MCM10: variants seen among roughly 807,000 people sequenced by gnomAD.
MCM10 encodes minichromosome maintenance 10 replication initiation factor.
In MCM10, 91 loss-of-function variants were observed where a neutral mutation model predicts 109.9. The observed-to-expected ratio is 0.83, with a 90% CI of 0.70 to 0.99. The LOEUF is 0.99. Among genes scored for constraint, MCM10 ranks in the 50% least tolerant of loss-of-function variants. The pLI is 0.00. For missense variants in MCM10, 1,077 were observed against 1,061.2 expected, an observed-to-expected ratio of 1.01 and a Z score of -0.21; for synonymous variants, 380 against 387.2, an observed-to-expected ratio of 0.98 and a Z score of 0.22.
In MCM10 at chr10:13,170,951, G is replaced by T. The variant is rs185467446; in HGVS notation, c.37G>T (p.Ala13Ser). The change falls in exon 3 of 20, where the codon GCA (alanine) becomes TCA (serine). Residue 13 changes from alanine to serine, a missense_variant. Transcript: ENST00000378714. ...GGAAGACAATCTGTCTCTGCTGACC[G>T]CACTGCTGGAAGAAAATGAGTCAGC... Reference protein sequence around the residue: ...EEEDNLSLLTALLEENESALD... With the variant: ...EEEDNLSLLTSLLEENESALD... 1.9e-6 allele frequency: 3 copies of T among 1,614,064 alleles called. No homozygotes were observed. The highest frequency in any genetic ancestry group is 1.7e-6 in the Non-Finnish European group (2 of 1,179,942).
intron 3 of MCM10, among the ~76,000 whole-genome samples, chr10:13,171,801 G>A (rs1834077568): frequency 6.7e-6 from 1 of 150,170 alleles, no homozygotes; most frequent in African/African-American, 2.5e-5. Flanking sequence ...TTCTTGCTGT[G>A]TCACCCAGGC....
At chr10:13,185,648 C>G (rs1834265365) in intron 8 of MCM10, among the ~76,000 whole-genome samples, 1 of 152,196 alleles carries the variant, frequency 6.6e-6, no homozygotes, top group African/African-American at 2.4e-5. Context: ...AATCAGGATT[C>G]CAATCGCAAA....
chr10:13,162,867 C>T (rs1833945613), intron 1 of MCM10, among the ~76,000 whole-genome samples: 1 of 152,170 alleles, frequency 6.6e-6, no homozygotes, highest in Admixed American at 6.5e-5. Context: ...ATCACCAGGT[C>T]AGGAGATCGA....
At chr10:13,200,915 C>G (rs1041355449) in intron 16 of MCM10, among the ~76,000 whole-genome samples, 2 of 152,208 alleles carry the variant, frequency 1.3e-5, no homozygotes, top group Non-Finnish European at 2.9e-5. Flanking sequence ...GAGGCCAAGG[C>G]AGGCAGATCA....
intron 10 of MCM10, 40 bp from the exon 11 acceptor site, chr10:13,191,259 C>T (rs551211491): frequency 7.3e-7 from 1 of 1,361,680 alleles, no homozygotes; most frequent in Non-Finnish European, 1.1e-6. Flanking sequence ...AGCATTGAGG[C>T]TTTAGTGATT....
At chr10:13,194,404 A>G (rs1470070333) in intron 13 of MCM10, among the ~76,000 whole-genome samples, 1 of 151,980 alleles carries the variant, frequency 6.6e-6, no homozygotes, top group Non-Finnish European at 1.5e-5. Context: ...ATTTTTTGCC[A>G]GGCATGATAG....
intron 2 of MCM10, among the ~76,000 whole-genome samples, chr10:13,166,601 C>T (rs1309446826): frequency 4.7e-5 from 7 of 147,578 alleles, no homozygotes; most frequent in African/African-American, 1.8e-4. Flanking sequence ...TGCCATTGCA[C>T]TCCAGCCTGG....
intron 2 of MCM10, among the ~76,000 whole-genome samples, chr10:13,167,584 C>CT: frequency 8.2e-6 from 1 of 122,462 alleles, no homozygotes; most frequent in East Asian, 2.2e-4. Flanking sequence ...GAGGGGAGGA[C>CT]CGGGGGGGGC....
At chr10:13,203,753 A>G (rs3781080) in intron 17 of MCM10, among the ~76,000 whole-genome samples, 13,477 of 152,142 alleles carry the variant, frequency 0.089, 840 homozygotes, top group East Asian at 0.24. Context: ...TGCTGCTAAT[A>G]GGGAGTAAGA....
chr10:13,187,430 G>A (rs12257314), intron 9 of MCM10, among the ~76,000 whole-genome samples: 2,527 of 152,314 alleles, frequency 0.017, 79 homozygotes, highest in African/African-American at 0.057. Flanking sequence ...GAATAATGCT[G>A]CTAAAACACT....
At chr10:13,173,701 C>G (rs1188875571) in intron 5 of MCM10, among the ~76,000 whole-genome samples, 1 of 152,174 alleles carries the variant, frequency 6.6e-6, no homozygotes, top group Non-Finnish European at 1.5e-5. Context: ...ATTAATCTGA[C>G]AGCAAGTTAT....
rs537710049 is a variant in MCM10 at position 13,210,147 on chromosome 10, T to C, written c.*837T>C. ...CGGCACACTGCAGCCTTGGCTTCCC[T>C]GGGCTCAAGCAGTCCTCCCACCTCA... On this transcript the variant is annotated 3_prime_UTR_variant, in exon 20 of 20. Transcript: ENST00000378714. The C allele has an allele frequency of 3.3e-5, 5 of 152,160 alleles. No individual in the cohort carries two copies. In the East Asian group the frequency reaches 9.7e-4, roughly 29 times the overall value. 9.4% of individuals were successfully genotyped at this position (152,160 alleles called of 1,614,324 possible).
intron 14 of MCM10, among the ~76,000 whole-genome samples, 176 bp from the exon 15 acceptor site, chr10:13,197,447 G>A (rs373648074): frequency 2.0e-5 from 3 of 152,100 alleles, no homozygotes. Flanking sequence ...TGTCTCCCAT[G>A]CTATTATATT....
chr10:13,191,702 T>A (rs1249073107), intron 11 of MCM10, among the ~76,000 whole-genome samples: 1 of 152,206 alleles, frequency 6.6e-6, no homozygotes, highest in Non-Finnish European at 1.5e-5. Flanking sequence ...CAAGCCAGGT[T>A]TGCAGGACCT....
intron 10 of MCM10, 61 bp downstream of exon 10, chr10:13,189,141 T>C (rs1430933380): frequency 6.5e-7 from 1 of 1,527,124 alleles, no homozygotes; most frequent in African/African-American, 1.4e-5. Flanking sequence ...CTAAACCTAC[T>C]GGTTGTACCT....
Position 13,182,905 on chromosome 10 carries a change from A to T in MCM10, c.931-28A>T. The T allele has an allele frequency of 6.3e-7, 1 of 1,593,468 alleles. No individual in the cohort carries two copies. The highest frequency in any genetic ancestry group is 8.6e-7 in the Non-Finnish European group (1 of 1,166,074). ...GAGGACGGCATAACCTACAGTTCAAAATTATAAAAAATAACTATTTGTTCC... is the reference window on the plus strand; with the variant it reads ...GAGGACGGCATAACCTACAGTTCAATATTATAAAAAATAACTATTTGTTCC... On this transcript the variant is annotated intron_variant, in intron 7 of 19. Transcript: ENST00000378714. This position sits in a 1 kb window ranked among gnomAD's most constrained non-coding sequence, Gnocchi z 4.2.
At chr10:13,169,998 G>A (rs550799232) in intron 2 of MCM10, among the ~76,000 whole-genome samples, 10 of 152,352 alleles carry the variant, frequency 6.6e-5, no homozygotes, top group Middle Eastern at 3.4e-3. Context: ...GAGCCACCAC[G>A]CCTGGCTAGA....
intron 17 of MCM10, 137 bp from the exon 18 acceptor site, chr10:13,204,082 T>C: frequency 1.1e-6 from 1 of 904,474 alleles, no homozygotes; most frequent in Non-Finnish European, 1.6e-6. Context: ...GAGGCGAAGG[T>C]GGCCCAGTCC....
intron 18 of MCM10, among the ~76,000 whole-genome samples, chr10:13,206,545 A>G (rs1834583450): frequency 6.6e-6 from 1 of 152,196 alleles, no homozygotes; most frequent in Non-Finnish European, 1.5e-5. Flanking sequence ...CTTTACCAGG[A>G]GCTGGCTTGC....
Sources: gnomAD v4.1 joint callset for allele counts (sites outside exome capture counted in the v4.1 genomes callset) on GRCh38, gnomAD v4.1.1 for gene constraint, Gnocchi (gnomAD v3.1) non-coding constraint, MANE v1.5 for transcripts, NCBI Gene and HGNC (gene_info 2026-07-23, HGNC 2026-07-21) for gene names.